JPT2: variants seen among roughly 807,000 people sequenced by gnomAD.
JPT2 encodes CRAMP_1 like.
In JPT2, 9 loss-of-function variants were observed where a neutral mutation model predicts 15.9. The ratio of observed to expected loss-of-function variants is 0.57; its 90% CI spans 0.34 to 0.99. JPT2 has a LOEUF of 0.99. Among genes scored for constraint, JPT2 ranks in the 50% least tolerant of loss-of-function variants. The pLI is 0.02. For synonymous variants in JPT2, 95 were observed against 91.7 expected, an observed-to-expected ratio of 1.04 and a Z score of -0.21; for missense variants, 267 against 252.1, an observed-to-expected ratio of 1.06 and a Z score of -0.40.
chr16:1,680,646 T>A, intron 1 of JPT2: 2 of 329,140 alleles, frequency 6.1e-6, no homozygotes, highest in Non-Finnish European at 9.2e-6. Flanking sequence ...TAAGATTACC[T>A]AGCCAGGTTT....
In JPT2 at chr16:1,700,212, A is replaced by G; in HGVS notation, c.*1214A>G. The G allele has an allele frequency of 2.2e-6, 1 of 455,402 alleles. No homozygotes were observed. Among genetic ancestry groups the G allele is most frequent in the South Asian group, 1.5e-5 (1 of 64,534 alleles). 28.2% of individuals were successfully genotyped at this position (455,402 alleles called of 1,614,324 possible). A position where few individuals can be genotyped will look rare whatever the true frequency, so the allele number is the denominator to read the frequency against. The stretch of plus-strand genomic sequence containing the variant: ...CTAGAGACCTTAGGCCAGGAGATGA[A>G]GGAGTTCAGTAGCAAAGTCACACCT... On this transcript the variant is annotated 3_prime_UTR_variant, in exon 5 of 5. Coordinates refer to ENST00000248098, the MANE Select transcript of JPT2 (RefSeq NM_144570.3).
At chr16:1,702,088 G>A (rs1459913807), downstream of JPT2, 1 of 454,154 alleles carries the variant, frequency 2.2e-6, no homozygotes, top group East Asian at 7.0e-5. Flanking sequence ...TTCTTCTGAT[G>A]TATTAGCTAT....
At chr16:1,690,612 A>C (rs2037097937) in intron 2 of JPT2, 1 of 152,224 alleles carries the variant, frequency 6.6e-6, no homozygotes, top group African/African-American at 2.4e-5. Context: ...AAAAAAGGAG[A>C]CCATGTTAAG....
intron 1 of JPT2, 25 bp downstream of exon 1, chr16:1,678,381 C>T: frequency 2.8e-6 from 3 of 1,053,726 alleles, no homozygotes; most frequent in African/African-American, 1.8e-5. Flanking sequence ...ACACGGGAGG[C>T]GGGCGGATAG....
chr16:1,691,697 T>C lies in JPT2; in HGVS notation c.194-146T>C, dbSNP rs1046663325. On this transcript the variant is annotated intron_variant, in intron 2 of 4. Coordinates refer to ENST00000248098, the MANE Select transcript of JPT2 (RefSeq NM_144570.3). ...TTTCATGGATCTTCAGGGGTTTCAGTCTGAGCATCCTGCCCTGTTGGCCTG... is the reference window on the plus strand; with the variant it reads ...TTTCATGGATCTTCAGGGGTTTCAGCCTGAGCATCCTGCCCTGTTGGCCTG... 1.5e-5 allele frequency: 14 copies of C among 924,862 alleles called. No homozygotes were observed. The African/African-American group carries it at 2.3e-4, about 15-fold the overall frequency. 57.3% of individuals were successfully genotyped at this position (924,862 alleles called of 1,614,324 possible).
rs1230379534 is a variant in JPT2 at position 1,685,495 on chromosome 16, C to A, written c.101C>A (p.Ala34Asp). 3.1e-6 allele frequency: 5 copies of A among 1,614,116 alleles called. No individual in the cohort carries two copies. The South Asian group carries it at 4.4e-5, about 14-fold the overall frequency. ...SSNLFGSPEE[A>D]TPSSRPNRMA... Reference sequence around the variant, plus strand: ...AATCTTTTTGGAAGTCCAGAAGAAGCTACTCCTTCCAGCAGGCCTAATAGG... The same window carrying A: ...AATCTTTTTGGAAGTCCAGAAGAAGATACTCCTTCCAGCAGGCCTAATAGG... The change falls in exon 2 of 5, where the codon GCT becomes GAT. Residue 34 changes from alanine (A) to aspartate (D), a missense_variant. Ala to Asp is a moderately radical substitution (Grantham distance 126, BLOSUM62 -2). Transcript: ENST00000248098.
At chr16:1,684,212 G>A (rs895603389) in intron 1 of JPT2, among the ~76,000 whole-genome samples, 30 of 152,170 alleles carry the variant, frequency 2.0e-4, no homozygotes, top group African/African-American at 3.6e-4. Context: ...GGCTGACTTC[G>A]TTTCTAAACG....
chr16:1,684,538 C>T (rs1040506972), intron 1 of JPT2, among the ~76,000 whole-genome samples: 1 of 151,982 alleles, frequency 6.6e-6, no homozygotes, highest in Non-Finnish European at 1.5e-5. Context: ...GTCAGGAGTT[C>T]GAGACCAACC....
chr16:1,690,457 ACTC>A lies in JPT2; in HGVS notation c.194-1384_194-1382del, dbSNP rs529734909. On this transcript the variant is annotated intron_variant, in intron 2 of 4. Transcript: ENST00000248098. ...CTAATGTCCCTACTTCAGAACACTGACTCCATTCCTTTGGAGTTGGTGTTTCCA... is the reference window on the plus strand; with the variant it reads ...CTAATGTCCCTACTTCAGAACACTGACATTCCTTTGGAGTTGGTGTTTCCA... 3 of 152,034 alleles carry A rather than the reference ACTC, an allele frequency of 2.0e-5. No individual in the cohort carries two copies. The East Asian group carries it at 5.8e-4, about 29-fold the overall frequency. The allele number at this position is 152,034 out of a possible 1,614,324, so 9.4% of individuals were successfully genotyped here.
intron 1 of JPT2, among the ~76,000 whole-genome samples, chr16:1,684,745 A>G (rs545180709): frequency 3.9e-5 from 6 of 152,060 alleles, no homozygotes; most frequent in African/African-American, 1.4e-4. Flanking sequence ...CTCCGTCTCA[A>G]AAAAAACAAA....
At chr16:1,688,407 T>C (rs2037082674) in intron 2 of JPT2, 1 of 152,244 alleles carries the variant, frequency 6.6e-6, no homozygotes, top group Non-Finnish European at 1.5e-5. Flanking sequence ...TTCCTGAATG[T>C]ATCCACTGGG....
intron 1 of JPT2, chr16:1,683,719 G>T: frequency 3.0e-6 from 2 of 668,438 alleles, no homozygotes; most frequent in South Asian, 3.5e-5. Context: ...TTCACATCCA[G>T]TCACAAGGAG....
At chr16:1,683,759 G>A in intron 1 of JPT2, 1 of 576,096 alleles carries the variant, frequency 1.7e-6, no homozygotes, top group East Asian at 3.0e-5. Flanking sequence ...ATCTTTTGAG[G>A]AGAAACTGTT....
intron 2 of JPT2, among the ~76,000 whole-genome samples, chr16:1,687,355 T>C (rs1182652465): frequency 6.6e-6 from 1 of 152,088 alleles, no homozygotes; most frequent in Admixed American, 6.5e-5. Context: ...GAGAAATGAG[T>C]GTTTCTTATT....
intron 1 of JPT2, among the ~76,000 whole-genome samples, chr16:1,684,758 A>G (rs763822696): frequency 2.0e-5 from 3 of 151,922 alleles, no homozygotes; most frequent in Non-Finnish European, 4.4e-5. Context: ...AAAACAAACA[A>G]AAGTTAGCCA....
intron 1 of JPT2, among the ~76,000 whole-genome samples, chr16:1,681,445 T>C (rs2037022635): frequency 6.6e-6 from 1 of 152,180 alleles, no homozygotes; most frequent in South Asian, 2.1e-4. Context: ...CATAGAACAA[T>C]ATTAAATATT....
At chr16:1,688,681 T>C (rs1319804037) in intron 2 of JPT2, 1 of 152,180 alleles carries the variant, frequency 6.6e-6, no homozygotes, top group South Asian at 2.1e-4. Context: ...TGAAACTGGC[T>C]TGGGCAACAT....
chr16:1,681,819 G>A (rs1252863856), intron 1 of JPT2, among the ~76,000 whole-genome samples: 1 of 152,192 alleles, frequency 6.6e-6, no homozygotes, highest in African/African-American at 2.4e-5. Flanking sequence ...TAGGGAATGT[G>A]GGGTCGGGAA....
At chr16:1,697,351 A>G (rs2037149542) in intron 3 of JPT2, among the ~76,000 whole-genome samples, 1 of 152,166 alleles carries the variant, frequency 6.6e-6, no homozygotes, top group Non-Finnish European at 1.5e-5. Flanking sequence ...TGTCTCTACA[A>G]AAAATAGAAA....
Sources: allele counts gnomAD v4.1 joint callset (sites outside exome capture counted in the v4.1 genomes callset), GRCh38; gene constraint gnomAD v4.1.1; transcripts MANE v1.5; gene names NCBI Gene and HGNC (gene_info 2026-07-23, HGNC 2026-07-21).